SCN10A: variants seen among roughly 807,000 people sequenced by gnomAD.
SCN10A encodes sodium channel protein type 10 subunit alpha.
A neutral mutation model predicts 170.7 loss-of-function variants in SCN10A; 162 were observed. The observed-to-expected ratio is 0.95, with a 90% confidence interval of 0.84 to 1.08. The LOEUF is 1.08. SCN10A is among the 50% of genes least tolerant of loss of function. The pLI, the probability that SCN10A is intolerant of heterozygous loss-of-function variation, is 0.00. For synonymous variants in SCN10A, 985 were observed against 904.6 expected (o/e 1.09, Z -1.59); for missense variants, 2,527 against 2,436.9 (o/e 1.04, Z -0.78).
At chr3:38,757,793 C>T (rs770766600) in intron 8 of SCN10A, among the ~76,000 whole-genome samples, 9 of 152,242 alleles carry the variant, frequency 5.9e-5, no homozygotes, top group Non-Finnish European at 1.0e-4. Context: ...GTCAGCCTAG[C>T]CTCCTCCTGA....
intron 8 of SCN10A, 138 bp downstream of exon 8, chr3:38,760,543 G>T: frequency 1.4e-6 from 1 of 701,636 alleles, no homozygotes; most frequent in Non-Finnish European, 2.5e-6. Context: ...ATGAGCTCTG[G>T]GTTGGCAAAG....
At chr3:38,711,044 G>A (rs894158147) in intron 23 of SCN10A, 147 bp from the exon 24 acceptor site, 13 of 644,026 alleles carry the variant, frequency 2.0e-5, no homozygotes, top group Middle Eastern at 6.4e-4. Context: ...GTTCCCTTGG[G>A]TTACTTGACT....
intron 4 of SCN10A, among the ~76,000 whole-genome samples, chr3:38,778,628 A>G (rs1359136738): frequency 6.6e-6 from 1 of 152,022 alleles, no homozygotes; most frequent in Non-Finnish European, 1.5e-5. Context: ...TGTTAAGAAC[A>G]TGGCAATAAG....
chr3:38,815,750 T>C (rs957181760), intron 1 of SCN10A, among the ~76,000 whole-genome samples: 1 of 152,198 alleles, frequency 6.6e-6, no homozygotes, highest in Admixed American at 6.5e-5. Flanking sequence ...CTTTGAAGAG[T>C]ATAAACTTGA....
chr3:38,810,437 G>T (rs1575189223), intron 1 of SCN10A, among the ~76,000 whole-genome samples: 1 of 152,230 alleles, frequency 6.6e-6, no homozygotes, highest in Middle Eastern at 3.4e-3. Flanking sequence ...TTCTGATTTG[G>T]TCCTCAAATT....
At chr3:38,730,126 G>A (rs549505560) in intron 15 of SCN10A, among the ~76,000 whole-genome samples, 2 of 152,286 alleles carry the variant, frequency 1.3e-5, no homozygotes, top group East Asian at 3.9e-4. Context: ...TGTAAGCCTA[G>A]CAGGAATTTC....
chr3:38,761,931 GAA>G (rs771766533), intron 6 of SCN10A, among the ~76,000 whole-genome samples: 3 of 151,952 alleles, frequency 2.0e-5, no homozygotes, highest in African/African-American at 7.3e-5. Flanking sequence ...GAAAGAAAAA[GAA>G]AGAGACACAG....
intron 10 of SCN10A, among the ~76,000 whole-genome samples, chr3:38,756,253 A>G (rs995847775): frequency 6.6e-6 from 1 of 152,090 alleles, no homozygotes. Flanking sequence ...GCATTCTACA[A>G]AAAAAGTCTC....
At chr3:38,746,071 A>ATATGTGTG (rs1265817142) in intron 13 of SCN10A, among the ~76,000 whole-genome samples, 1 of 91,090 alleles carries the variant, frequency 1.1e-5, no homozygotes, top group African/African-American at 3.8e-5. Flanking sequence ...GTGTATATAT[A>ATATGTGTG]TATATATATA....
At position 38,739,545 on chromosome 3, in the gene SCN10A, T is replaced by G. The variant is rs1403637462; in HGVS notation, c.2250A>C (p.Gly750=). 6.2e-7 allele frequency: 1 copy of G among 1,614,020 alleles called. No homozygotes were observed. The change falls in exon 15 of 28, where the codon GGA becomes GGC. Residue 750 remains glycine, a synonymous_variant. Coordinates refer to ENST00000449082, the MANE Select transcript of SCN10A (RefSeq NM_006514.4). ...SLLELGVAKK[G]SLSVLRSFRL... is the part of the protein sequence containing the mutation. ...GGAAGCTCCGCAGCACAGACAGGCT[T>G]CCCTTCTTGGCCACGCCCAGCTCTA...
At chr3:38,774,778 G>A (rs913047598) in intron 4 of SCN10A, among the ~76,000 whole-genome samples, 2 of 152,182 alleles carry the variant, frequency 1.3e-5, no homozygotes, top group Non-Finnish European at 2.9e-5. Context: ...GCAATTCAGT[G>A]TGGGAGAGCA....
Position 38,726,565 on chromosome 3 carries a change from C to T in SCN10A, c.3087+41G>A, listed in dbSNP as rs77787358. ...CTTTGTCACTCAAGCCCTGAAGCCC[C>T]TCCCCACTGCCTGTGGCTGTCCCTT... On this transcript the variant is annotated intron_variant, in intron 17 of 27. Transcript: ENST00000449082. 6.0e-3 allele frequency: 8,892 copies of T among 1,493,220 alleles called. 332 individuals are homozygous for T. The East Asian group carries it at 0.069, about 12-fold the overall frequency. 92.5% of individuals were successfully genotyped at this position (1,493,220 alleles called of 1,614,324 possible). A position where few individuals can be genotyped will look rare whatever the true frequency, so the allele number is the denominator to read the frequency against.
At chr3:38,712,928 A>C (rs1441466136) in intron 22 of SCN10A, among the ~76,000 whole-genome samples, 2 of 152,272 alleles carry the variant, frequency 1.3e-5, no homozygotes. Flanking sequence ...AAATAGAATA[A>C]ATTTCAAACT....
At chr3:38,775,304 A>G (rs373312464) in intron 4 of SCN10A, among the ~76,000 whole-genome samples, 7 of 152,248 alleles carry the variant, frequency 4.6e-5, no homozygotes, top group African/African-American at 1.7e-4. Flanking sequence ...TGCCTGTTCT[A>G]GGTACCTACT....
At chr3:38,805,399 A>G (rs1246124642) in intron 1 of SCN10A, among the ~76,000 whole-genome samples, 1 of 152,110 alleles carries the variant, frequency 6.6e-6, no homozygotes. Context: ...CACTGAAGAT[A>G]TTGCTGGGCT....
intron 5 of SCN10A, among the ~76,000 whole-genome samples, chr3:38,769,659 CT>C (rs1172664663): frequency 2.0e-5 from 3 of 152,174 alleles, no homozygotes; most frequent in African/African-American, 4.8e-5. Flanking sequence ...ACCAGAATTG[CT>C]TTTCTGGTTC....
intron 26 of SCN10A, among the ~76,000 whole-genome samples, chr3:38,703,043 A>T (rs2125983665): frequency 6.6e-6 from 1 of 151,938 alleles, no homozygotes; most frequent in East Asian, 1.9e-4. Context: ...AAAGGCTGCC[A>T]TTCTCCCCTA....
At chr3:38,727,459 G>A (rs1019663547) in intron 16 of SCN10A, among the ~76,000 whole-genome samples, 3 of 152,154 alleles carry the variant, frequency 2.0e-5, no homozygotes, top group Admixed American at 6.5e-5. Flanking sequence ...GATGAAGAGC[G>A]GTTGTGAAGA....
At chr3:38,749,403 A>G (rs997052959) in intron 13 of SCN10A, among the ~76,000 whole-genome samples, 3 of 152,196 alleles carry the variant, frequency 2.0e-5, no homozygotes, top group East Asian at 1.9e-4. Flanking sequence ...CCTCCTGCTC[A>G]AGGTTAGAGG....
Sources: allele counts gnomAD v4.1 joint callset (sites outside exome capture counted in the v4.1 genomes callset), GRCh38; gene constraint gnomAD v4.1.1; transcripts MANE v1.5; gene names NCBI Gene and HGNC (gene_info 2026-07-23, HGNC 2026-07-21).